The following FRS2 variants were observed in gnomAD, a reference collection of about 807,000 sequenced individuals.
The protein encoded by FRS2 is fibroblast growth factor receptor substrate 2, also known as FGFR signalling adaptor.
FRS2 carries 8 observed loss-of-function variants against 43.9 expected under a neutral mutation model. That is an observed-to-expected ratio of 0.18 (90% CI 0.11 to 0.33). The LOEUF is 0.33. FRS2 is among the 10% of genes least tolerant of loss of function. The pLI, the probability that FRS2 is intolerant of heterozygous loss-of-function variation, is 1.00. For missense variants in FRS2, 534 were observed against 627.6 expected (o/e 0.85, Z 1.59); for synonymous variants, 219 against 220.3 (o/e 0.99, Z 0.05).
At chr12:69,519,834 T>G (rs1270186537) in intron 1 of FRS2, among the ~76,000 whole-genome samples, 3 of 152,260 alleles carry the variant, frequency 2.0e-5, no homozygotes, top group Non-Finnish European at 4.4e-5. Context: ...GTTGATTCTG[T>G]GTCTTTGCTA....
chr12:69,496,692 C>T (rs1246582812), intron 1 of FRS2, among the ~76,000 whole-genome samples: 1 of 152,178 alleles, frequency 6.6e-6, no homozygotes, highest in Non-Finnish European at 1.5e-5. Context: ...TATTAGGAAA[C>T]ACTCTATACT....
At chr12:69,496,948 G>A (rs1872952107) in intron 1 of FRS2, among the ~76,000 whole-genome samples, 1 of 152,202 alleles carries the variant, frequency 6.6e-6, no homozygotes, top group Admixed American at 6.5e-5. Context: ...GCAAGGTTTA[G>A]ATATTATTCC....
rs2588440 is a variant in FRS2 at position 69,577,694 on chromosome 12, G to T, written c.*2739G>T. ...TATTACTTGTGTTTTTTCTTAGTGT[G>T]TTTTATTTCCCAGTTTCATCTTCTT... On this transcript the variant is annotated 3_prime_UTR_variant, in exon 9 of 9. Transcript: ENST00000549921. 1 of 152,392 alleles carries T rather than the reference G, an allele frequency of 6.6e-6. No homozygotes were observed. The highest frequency in any genetic ancestry group is 2.4e-5 in the African/African-American group (1 of 41,390). The allele number at this position is 152,392 out of a possible 1,614,324, so 9.4% of individuals were successfully genotyped here.
At chr12:69,520,936 A>AT (rs1227292634) in intron 1 of FRS2, among the ~76,000 whole-genome samples, 8 of 151,322 alleles carry the variant, frequency 5.3e-5, no homozygotes, top group African/African-American at 1.7e-4. Flanking sequence ...AAATTAAAAA[A>AT]TTTTTTTTTC....
intron 3 of FRS2, among the ~76,000 whole-genome samples, chr12:69,556,899 C>T (rs1043010062): frequency 2.6e-5 from 4 of 152,200 alleles, no homozygotes; most frequent in Non-Finnish European, 1.5e-5. Context: ...TTATAAAATT[C>T]GTACTGTGGT....
chr12:69,492,668 T>C (rs957060834), intron 1 of FRS2, among the ~76,000 whole-genome samples: 3 of 152,032 alleles, frequency 2.0e-5, no homozygotes, highest in Admixed American at 6.6e-5. Flanking sequence ...TCCATATGGA[T>C]TTTTTTTAGG....
At chr12:69,542,061 G>C (rs901168831) in intron 3 of FRS2, among the ~76,000 whole-genome samples, 1 of 151,994 alleles carries the variant, frequency 6.6e-6, no homozygotes, top group African/African-American at 2.4e-5. Context: ...TATTAAAGCA[G>C]ATATTATCAG....
intron 4 of FRS2, among the ~76,000 whole-genome samples, chr12:69,567,640 C>T (rs1048093498): frequency 3.3e-5 from 5 of 152,078 alleles, no homozygotes; most frequent in Non-Finnish European, 7.4e-5. Context: ...ATATGCATGA[C>T]GGTCATACAT....
chr12:69,480,799 AT>A (rs1282504598), intron 1 of FRS2, among the ~76,000 whole-genome samples: 1 of 151,980 alleles, frequency 6.6e-6, no homozygotes, highest in East Asian at 1.9e-4. Context: ...CTTACTTTAC[AT>A]TTTGTGCCTG....
At chr12:69,573,546 T>C (rs528611775) in intron 8 of FRS2, among the ~76,000 whole-genome samples, 2 of 152,164 alleles carry the variant, frequency 1.3e-5, no homozygotes, top group Non-Finnish European at 2.9e-5. Context: ...CACTGCAACC[T>C]CTGCCTCCCG....
At chr12:69,480,282 T>C (rs1871239809) in intron 1 of FRS2, 1 of 152,228 alleles carries the variant, frequency 6.6e-6, no homozygotes, top group South Asian at 2.1e-4. Flanking sequence ...TAATTCCTTA[T>C]TTCCTCTTTT....
rs548475969 is a variant in FRS2, at chr12:69,505,261, T to C, written c.-260-25604T>C. On this transcript the variant is annotated intron_variant, in intron 1 of 8. Transcript: ENST00000549921. ...CAAAGGAAGTGTGAACTTTCTTTTG[T>C]AGTAGTCAACTTTTGGCTTAATGTT... is the stretch of plus-strand genomic sequence containing the variant. 4.9e-4 allele frequency among the ~76,000 whole-genome samples: 74 copies of C among 152,354 alleles called. 2 individuals carry two copies. In the South Asian group the frequency reaches 7.5e-3, roughly 15 times the overall value.
intron 1 of FRS2, among the ~76,000 whole-genome samples, chr12:69,480,038 C>G (rs1326946183): frequency 1.3e-5 from 2 of 152,080 alleles, no homozygotes; most frequent in Non-Finnish European, 2.9e-5. Flanking sequence ...TTAGCTACTT[C>G]TCTCTTCAGC....
At chr12:69,573,020 A>C (rs1466667562) in intron 8 of FRS2, among the ~76,000 whole-genome samples, 1 of 152,110 alleles carries the variant, frequency 6.6e-6, no homozygotes, top group East Asian at 1.9e-4. Flanking sequence ...TTTAGTAGAG[A>C]CCGGGTTTCA....
At chr12:69,472,472 T>C (rs901956921) in intron 1 of FRS2, among the ~76,000 whole-genome samples, 3 of 152,126 alleles carry the variant, frequency 2.0e-5, no homozygotes, top group Non-Finnish European at 4.4e-5. Context: ...GAGCATAAGA[T>C]TGGAATATTG....
At chr12:69,541,576 AG>A (rs1877903826) in intron 3 of FRS2, among the ~76,000 whole-genome samples, 1 of 152,146 alleles carries the variant, frequency 6.6e-6, no homozygotes. Flanking sequence ...CTGTAATCCT[AG>A]TACTTTAGGA....
chr12:69,522,234 G>GTA (rs1875745789), intron 1 of FRS2, among the ~76,000 whole-genome samples: 1 of 145,954 alleles, frequency 6.9e-6, no homozygotes, highest in Non-Finnish European at 1.5e-5. Flanking sequence ...GTGTGTGTGT[G>GTA]TGTCTCTGCC....
chr12:69,564,526 G>T (rs1244170173), intron 4 of FRS2, among the ~76,000 whole-genome samples: 1 of 152,008 alleles, frequency 6.6e-6, no homozygotes, highest in Non-Finnish European at 1.5e-5. Flanking sequence ...TGTATCTCAG[G>T]TAATAGACCC....
intron 3 of FRS2, among the ~76,000 whole-genome samples, chr12:69,548,044 GT>G (rs1234422682): frequency 6.6e-6 from 1 of 151,828 alleles, no homozygotes; most frequent in Non-Finnish European, 1.5e-5. Flanking sequence ...TTAGAGATGG[GT>G]TCTTGCGATG....
Sources: allele counts gnomAD v4.1 joint callset (sites outside exome capture counted in the v4.1 genomes callset), GRCh38; gene constraint gnomAD v4.1.1; transcripts MANE v1.5; gene names NCBI Gene and HGNC (gene_info 2026-07-23, HGNC 2026-07-21).